The following CACNA1E variants were observed in gnomAD, a reference collection of about 807,000 sequenced individuals.
CACNA1E encodes the protein calcium voltage-gated channel subunit alpha1 E.
CACNA1E carries 40 observed loss-of-function variants against 259.2 expected under a neutral mutation model. The ratio of observed to expected loss-of-function variants is 0.15; its 90% CI spans 0.12 to 0.20. The LOEUF (loss-of-function observed/expected upper bound fraction) is 0.20, where lower values mean the gene tolerates loss of function less well. Among genes scored for constraint, CACNA1E ranks in the 10% least tolerant of loss-of-function variants. The probability of loss-of-function intolerance (pLI) is 1.00; values close to 1 mark genes in which losing one functional copy is unlikely to be tolerated. For synonymous variants in CACNA1E, 1,104 were observed against 1,138.5 expected (o/e 0.97, Z 0.61); for missense variants, 1,874 against 3,040.1 (o/e 0.62, Z 9.02).
chr1:181,580,633 G>A lies in CACNA1E; in HGVS notation c.808G>A (p.Val270Met). 5 of 1,614,088 alleles carry A rather than the reference G, an allele frequency of 3.1e-6. No homozygotes were observed. The highest frequency in any genetic ancestry group is 1.1e-5 in the South Asian group (1 of 91,086). The change falls in exon 6 of 48, where the codon GTG becomes ATG. Residue 270 changes from valine to methionine, a missense_variant. By Grantham distance (21) the Val-to-Met change is conservative. Transcript: ENST00000367573. ...EGFDPPHPCG[V>M]QGCPAGYECK... is the part of the protein sequence containing the mutation. ...ATTTGACCCCCCTCACCCATGTGGTGTGCAGGGCTGCCCAGCTGGTTATGA... is the reference window on the plus strand; with the variant it reads ...ATTTGACCCCCCTCACCCATGTGGTATGCAGGGCTGCCCAGCTGGTTATGA...
intron 18 of CACNA1E, among the ~76,000 whole-genome samples, chr1:181,729,516 C>G (rs3766999): frequency 0.49 from 74,470 of 152,118 alleles, 20,687 homozygotes; most frequent in East Asian, 0.75. Flanking sequence ...TTATATTTGT[C>G]TCACTAATAT....
Position 181,577,752 on chromosome 1 carries a change from GTC to G in CACNA1E, c.513-10_513-9del, listed in dbSNP as rs1272199646. The G allele has an allele frequency of 6.4e-7, 1 of 1,570,922 alleles. No homozygotes were observed. Among genetic ancestry groups the G allele is most frequent in the African/African-American group, 1.4e-5 (1 of 74,064 alleles). On this transcript the variant is annotated splice_polypyrimidine_tract_variant and intron_variant, in intron 3 of 47. Coordinates refer to ENST00000367573, the MANE Select transcript of CACNA1E (RefSeq NM_001205293.3). Reference sequence around the variant, plus strand: ...AGACTGGTAACCTTGACCCTTCTGTGTCTCTGTCTGCAGCATCCTGGCCACTG... The same window carrying G: ...AGACTGGTAACCTTGACCCTTCTGTGTCTGTCTGCAGCATCCTGGCCACTG...
intron 35 of CACNA1E, 33 bp from the exon 36 acceptor site, chr1:181,771,260 T>G (rs1195636290): frequency 8.2e-7 from 1 of 1,218,266 alleles, no homozygotes; most frequent in South Asian, 1.3e-5. Flanking sequence ...AGCTTGGTAA[T>G]GCTCACTGTT....
At chr1:181,334,070 C>T (rs1291869472) in intron 1 of CACNA1E, among the ~76,000 whole-genome samples, 1 of 152,224 alleles carries the variant, frequency 6.6e-6, no homozygotes, top group Admixed American at 6.5e-5. Flanking sequence ...TCTCCCCTCA[C>T]TTCACCAAAA....
rs747254914 is a variant in CACNA1E, at chr1:181,737,560, G to A, written c.3458G>A (p.Arg1153His). ...RRACHYIVNL[R>H]YFEMCILLVI... ...GCCTGCCACTACATCGTGAACCTGC[G>A]CTACTTTGAGATGTGCATCCTCCTG... The change falls in exon 23 of 48, where the codon CGC becomes CAC. Residue 1153 changes from arginine to histidine, a missense_variant. Physicochemically the swap from Arg to His is conservative, Grantham distance 29. This residue lies in a region of CACNA1E where 56 missense variants were observed against 97.4 expected (regional missense o/e 0.57). Coordinates refer to ENST00000367573, the MANE Select transcript of CACNA1E (RefSeq NM_001205293.3). 6.2e-7 allele frequency: 1 copy of A among 1,613,938 alleles called. No individual in the cohort carries two copies. The highest frequency in any genetic ancestry group is 8.5e-7 in the Non-Finnish European group (1 of 1,179,858).
chr1:181,622,107 C>T (rs923002007), intron 6 of CACNA1E, among the ~76,000 whole-genome samples: 7 of 152,190 alleles, frequency 4.6e-5, no homozygotes, highest in African/African-American at 1.2e-4. Flanking sequence ...AACAGGGACT[C>T]CACCAACTCT....
chr1:181,618,146 G>C (rs1655399912), intron 6 of CACNA1E, among the ~76,000 whole-genome samples: 1 of 152,148 alleles, frequency 6.6e-6, no homozygotes, highest in African/African-American at 2.4e-5. Context: ...GTATTTGTAT[G>C]AATATGTGAG....
chr1:181,753,300 C>A (rs1430470766), intron 27 of CACNA1E, among the ~76,000 whole-genome samples: 2 of 152,230 alleles, frequency 1.3e-5, no homozygotes, highest in Admixed American at 1.3e-4. Context: ...ACAACCGCAA[C>A]ACAACAGAGC....
chr1:181,621,422 A>G (rs1655708989), intron 6 of CACNA1E, among the ~76,000 whole-genome samples: 1 of 152,248 alleles, frequency 6.6e-6, no homozygotes, highest in African/African-American at 2.4e-5. Context: ...ACAGAAAGAC[A>G]TGGAGTCATT....
intron 10 of CACNA1E, 98 bp from the exon 11 acceptor site, chr1:181,716,995 C>A: frequency 2.1e-6 from 2 of 942,758 alleles, no homozygotes; most frequent in Admixed American, 1.9e-5. Flanking sequence ...AGTCACCTTG[C>A]CCTGGGACTA....
At chr1:181,514,476 A>G (rs1369805591) in intron 3 of CACNA1E, among the ~76,000 whole-genome samples, 2 of 152,174 alleles carry the variant, frequency 1.3e-5, no homozygotes, top group African/African-American at 4.8e-5. Context: ...CTTTTGATCC[A>G]GGGCTGGTGT....
intron 6 of CACNA1E, among the ~76,000 whole-genome samples, chr1:181,641,528 G>A (rs1275996753): frequency 6.6e-6 from 1 of 152,106 alleles, no homozygotes; most frequent in African/African-American, 2.4e-5. Flanking sequence ...CTGGGTGAAA[G>A]TAGAGTCTCA....
intron 2 of CACNA1E, among the ~76,000 whole-genome samples, chr1:181,430,120 A>T (rs753233159): frequency 3.3e-5 from 5 of 152,170 alleles, no homozygotes; most frequent in Non-Finnish European, 7.4e-5. Context: ...AACATCTCTG[A>T]AAGGTTCTGG....
In CACNA1E at chr1:181,320,715, C is replaced by T. The variant is rs909002110; in HGVS notation, c.-15+2592C>T. On this transcript the variant is annotated intron_variant, in intron 1 of 11. Coordinates refer to the CACNA1E transcript ENST00000524607. ...GGCATCTGACTCACAGAGTTAGTCC[C>T]AGCTGCTCAGCCGGGGGGGTGATGG... Among the ~76,000 whole-genome samples, 87 of 152,150 alleles carry T rather than the reference C, an allele frequency of 5.7e-4. 2 individuals carry two copies.
At chr1:181,393,879 C>G (rs1656470622) in intron 1 of CACNA1E, among the ~76,000 whole-genome samples, 1 of 152,186 alleles carries the variant, frequency 6.6e-6, no homozygotes, top group South Asian at 2.1e-4. Flanking sequence ...AAGCAGGTAC[C>G]AAGAACCTTT....
In CACNA1E at chr1:181,733,664, A is replaced by C; in HGVS notation, c.3176A>C (p.Asn1059Thr). 1 of 1,534,430 alleles carries C rather than the reference A, an allele frequency of 6.5e-7. No individual in the cohort carries two copies. Among genetic ancestry groups the C allele is most frequent in the Non-Finnish European group, 8.8e-7 (1 of 1,139,372 alleles). The change falls in exon 21 of 48, where the codon AAC (asparagine) becomes ACC (threonine). Residue 1059 changes from asparagine (N) to threonine (T), a missense_variant. Physicochemically the swap from Asn to Thr is moderately conservative, Grantham distance 65. Around this residue, in one of 14 missense-constraint regions of CACNA1E, gnomAD observed 476 missense variants for 514.0 expected, o/e 0.93. Coordinates refer to ENST00000367573, the MANE Select transcript of CACNA1E (RefSeq NM_001205293.3). The part of the protein sequence containing the change: ...SEPDLSCITA[N>T]TDKATTESTS... ...CCTGACCTCTCCTGCATCACGGCCAACACGGACAAGGCCACCACCGAGAGC... is the reference window on the plus strand; with the variant it reads ...CCTGACCTCTCCTGCATCACGGCCACCACGGACAAGGCCACCACCGAGAGC...
At chr1:181,377,060 G>A (rs1258969251) in intron 1 of CACNA1E, among the ~76,000 whole-genome samples, 1 of 152,204 alleles carries the variant, frequency 6.6e-6, no homozygotes, top group African/African-American at 2.4e-5. Flanking sequence ...TGTTCATTGA[G>A]TAGATGTTTA....
rs190254980 is a variant in CACNA1E, at chr1:181,598,612, G to A, written c.951+17836G>A. Among the ~76,000 whole-genome samples, 58 of 152,280 alleles carry A rather than the reference G, an allele frequency of 3.8e-4. 1 individual carries two copies. The highest frequency in any genetic ancestry group is 7.5e-4 in the African/African-American group (31 of 41,546). ...CTGAGTGTCCATTAATGACTACAGA[G>A]TTCCTTCTATCAGGGAAATCATCTC... On this transcript the variant is annotated intron_variant, in intron 6 of 47. Transcript: ENST00000367573.
intron 7 of CACNA1E, among the ~76,000 whole-genome samples, chr1:181,691,739 T>C (rs1243256879): frequency 6.6e-6 from 1 of 152,130 alleles, no homozygotes; most frequent in East Asian, 1.9e-4. Context: ...GCTGGAAGCA[T>C]TCCTCTTGAG....
Sources: allele counts gnomAD v4.1 joint callset (sites outside exome capture counted in the v4.1 genomes callset), GRCh38; gene constraint gnomAD v4.1.1; regional missense constraint gnomAD v4.1.1; transcripts MANE v1.5; gene names NCBI Gene and HGNC (gene_info 2026-07-23, HGNC 2026-07-21).